MRC2: variants seen among roughly 807,000 people sequenced by gnomAD.
MRC2 encodes the protein C-type mannose receptor 2.
In MRC2, 84 loss-of-function variants were observed where a neutral mutation model predicts 206.2. The observed-to-expected ratio is 0.41, with a 90% CI of 0.34 to 0.49. The LOEUF (loss-of-function observed/expected upper bound fraction) is 0.49. Among genes scored for constraint, MRC2 ranks in the 20% least tolerant of loss-of-function variants. MRC2 has a pLI of 0.31. For synonymous variants in MRC2, 798 were observed against 800.0 expected (o/e 1.00, Z 0.04); for missense variants, 1,676 against 2,001.5 (o/e 0.84, Z 3.10).
Position 62,690,504 on chromosome 17 carries a change from G to GCA in MRC2, c.3893-125_3893-124dup, listed in dbSNP as rs143847282. On this transcript the variant is annotated intron_variant, in intron 26 of 29. Coordinates refer to ENST00000303375, the MANE Select transcript of MRC2 (RefSeq NM_006039.5). ...TGCCCCCCCACACACTTGCACATGT[G>GCA]CACACACACACACATGAATCCACAG... is the stretch of plus-strand genomic sequence containing the variant. The GCA allele has an allele frequency of 1.4e-3, 1,927 of 1,384,062 alleles. 3 individuals are homozygous for GCA. Among genetic ancestry groups the GCA allele is most frequent in the Non-Finnish European group, 1.7e-3 (1,771 of 1,019,652 alleles). 85.7% of individuals were successfully genotyped at this position (1,384,062 alleles called of 1,614,324 possible).
chr17:62,682,074 TG>T, intron 19 of MRC2, 137 bp downstream of exon 19: 1 of 1,085,092 alleles, frequency 9.2e-7, no homozygotes, highest in Non-Finnish European at 1.3e-6. Context: ...CAGCGAGGGG[TG>T]GACCTGTCTC....
chr17:62,657,962 C>T (rs897859417), intron 1 of MRC2, among the ~76,000 whole-genome samples: 1 of 152,140 alleles, frequency 6.6e-6, no homozygotes, highest in Non-Finnish European at 1.5e-5. Context: ...CAGGAATCCC[C>T]CCTCAGCTTC....
intron 8 of MRC2, 68 bp from the exon 9 acceptor site, chr17:62,673,995 T>C (rs1433416820): frequency 7.9e-7 from 1 of 1,266,830 alleles, no homozygotes; most frequent in Non-Finnish European, 1.1e-6. Flanking sequence ...GGAACCAGAT[T>C]CCAAGAAGGA....
chr17:62,666,288 G>A lies in MRC2; in HGVS notation c.694+21G>A. On this transcript the variant is annotated intron_variant, in intron 3 of 29. Coordinates refer to ENST00000303375, the MANE Select transcript of MRC2 (RefSeq NM_006039.5). The surrounding 1 kb of genome is among the most constrained non-coding windows in gnomAD (Gnocchi z 5.0). ...CAAGAGTGAGAGCTGTTGGAGCCGT[G>A]GGGGCGGGGGCAGTGTTCCTGGAGG... is the stretch of plus-strand genomic sequence containing the variant. 1 of 1,555,512 alleles carries A rather than the reference G, an allele frequency of 6.4e-7. No individual in the cohort carries two copies.
intron 1 of MRC2, among the ~76,000 whole-genome samples, chr17:62,662,553 G>A (rs923712562): frequency 9.2e-5 from 14 of 152,170 alleles, no homozygotes; most frequent in South Asian, 2.1e-4. Flanking sequence ...CTTAAGATGA[G>A]GAAACGGCAT....
intron 20 of MRC2, among the ~76,000 whole-genome samples, chr17:62,687,360 A>G (rs990109694): frequency 1.3e-5 from 2 of 152,098 alleles, no homozygotes; most frequent in African/African-American, 2.4e-5. Flanking sequence ...GGGTTTCTCC[A>G]TGTTGGTCAG....
In MRC2 at chr17:62,672,246, A is replaced by T; in HGVS notation, c.1461+94A>T. The T allele has an allele frequency of 6.8e-7, 1 of 1,478,950 alleles. No homozygotes were observed. Among genetic ancestry groups the T allele is most frequent in the Non-Finnish European group, 9.4e-7 (1 of 1,069,304 alleles). The allele number at this position is 1,478,950 out of a possible 1,614,324, so 91.6% of individuals were successfully genotyped here. A position where few individuals can be genotyped will look rare whatever the true frequency, so the allele number is the denominator to read the frequency against. On this transcript the variant is annotated intron_variant, in intron 8 of 29. Transcript: ENST00000303375. This position sits in a 1 kb window ranked among gnomAD's most constrained non-coding sequence, Gnocchi z 4.5. ...GAAGGACATCCTAGTTACTATCAGA[A>T]CCTGCCTGGAACCTCTTACCTCTCA...
Position 62,667,019 on chromosome 17 carries a change from C to T in MRC2, c.973+149C>T, listed in dbSNP as rs147158151. ...CACCCCCCTCCCCAGACTGCGCCCC[C>T]CTAGCCCATGTAGGGCGGCGCTGCC... On this transcript the variant is annotated intron_variant, in intron 5 of 29. Coordinates refer to ENST00000303375, the MANE Select transcript of MRC2 (RefSeq NM_006039.5). The surrounding 1 kb of genome is among the most constrained non-coding windows in gnomAD (Gnocchi z 4.1). 1.1e-3 allele frequency: 756 copies of T among 688,850 alleles called. 8 individuals are homozygous for T. In the African/African-American group the frequency reaches 0.012, roughly 11 times the overall value. The allele number at this position is 688,850 out of a possible 1,614,324, so 42.7% of individuals were successfully genotyped here.
chr17:62,654,300 G>A (rs1042752464), intron 1 of MRC2, among the ~76,000 whole-genome samples: 6 of 151,972 alleles, frequency 3.9e-5, no homozygotes, highest in African/African-American at 9.7e-5. Flanking sequence ...TGGGCCCTGC[G>A]TTCCTGCCTG....
intron 1 of MRC2, among the ~76,000 whole-genome samples, chr17:62,641,749 G>A (rs1004862166): frequency 6.6e-6 from 1 of 152,206 alleles, no homozygotes; most frequent in African/African-American, 2.4e-5. Flanking sequence ...TTGAATGGGG[G>A]AAAAGATCCC....
intron 1 of MRC2, among the ~76,000 whole-genome samples, chr17:62,644,853 T>G (rs1242725503): frequency 6.6e-6 from 1 of 152,054 alleles, no homozygotes; most frequent in African/African-American, 2.4e-5. Flanking sequence ...GGTCACCAGC[T>G]GGAGCTGGTT....
At chr17:62,642,052 T>C (rs2088411581) in intron 1 of MRC2, among the ~76,000 whole-genome samples, 1 of 152,164 alleles carries the variant, frequency 6.6e-6, no homozygotes, top group African/African-American at 2.4e-5. Flanking sequence ...ACCCAAGAAA[T>C]AGAGCGGATG....
chr17:62,690,190 C>T lies in MRC2; in HGVS notation c.3777C>T (p.Gly1259=), dbSNP rs1452250383. The part of the protein sequence containing the change: ...PPPPRRISYH[G]SCPQGLADSA... ...CTCCCCGAAGAATAAGCTACCATGG[C>T]AGCTGTCCCCAGGGACTGGCAGACT... Residue 1259 remains glycine (G), a synonymous_variant, in exon 26 of 30, where the codon GGC becomes GGT. Coordinates refer to ENST00000303375, the MANE Select transcript of MRC2 (RefSeq NM_006039.5). 1 of 1,610,664 alleles carries T rather than the reference C, an allele frequency of 6.2e-7. No individual in the cohort carries two copies. Among genetic ancestry groups the T allele is most frequent in the East Asian group, 2.2e-5 (1 of 44,782 alleles).
In MRC2 at chr17:62,675,431, G is replaced by C. The variant is rs2088879095; in HGVS notation, c.1570-359G>C. ...TCCTGGCAGCTCTCCCCAGCCTTTA[G>C]CTGTGGTTTCCCAGCCAACAGTAAT... On this transcript the variant is annotated intron_variant, in intron 9 of 29. Transcript: ENST00000303375. The surrounding 1 kb of genome is among the most constrained non-coding windows in gnomAD (Gnocchi z 4.1). Among the ~76,000 whole-genome samples, 1 of 152,172 alleles carries C rather than the reference G, an allele frequency of 6.6e-6. No homozygotes were observed. The highest frequency in any genetic ancestry group is 2.1e-4 in the South Asian group (1 of 4,824).
chr17:62,665,370 T>A (rs1351599641), intron 2 of MRC2, among the ~76,000 whole-genome samples: 1 of 147,892 alleles, frequency 6.8e-6, no homozygotes, highest in Non-Finnish European at 1.5e-5. Context: ...GCCACTGCAC[T>A]GTGCAGCCTG....
rs200283554 is a variant in MRC2, at chr17:62,689,536, C to G, written c.3349C>G (p.Pro1117Ala). 462 of 1,579,932 alleles carry G rather than the reference C, an allele frequency of 2.9e-4. No individual in the cohort carries two copies. In the African/African-American group the frequency reaches 5.0e-3, roughly 17 times the overall value. ...CQKGTDPSLS[P>A]SPAALPPAPG... ...CTTCCCTGTAGACCCCTCCCTGAGC[C>G]CGTCCCCAGCAGCGCTGCCCCCCGC... Residue 1117 changes from proline to alanine, a missense_variant, in exon 24 of 30, where the codon CCG (proline) becomes GCG (alanine). Coordinates refer to ENST00000303375, the MANE Select transcript of MRC2 (RefSeq NM_006039.5).
At chr17:62,682,166 G>A (rs1598994359) in intron 19 of MRC2, 69 bp from the exon 20 acceptor site, 7 of 1,441,046 alleles carry the variant, frequency 4.9e-6, no homozygotes, top group African/African-American at 4.3e-5. Flanking sequence ...ATGAGGCTGA[G>A]TGTGCTGCCA....
At chr17:62,649,277 G>T (rs1402561088) in intron 1 of MRC2, among the ~76,000 whole-genome samples, 3 of 152,212 alleles carry the variant, frequency 2.0e-5, no homozygotes, top group South Asian at 2.1e-4. Flanking sequence ...AAGCAAGAAG[G>T]ATTCTAAATT....
In MRC2 at chr17:62,680,968, T is replaced by C. The variant is rs770037313; in HGVS notation, c.2634+8T>C. On this transcript the variant is annotated splice_region_variant and intron_variant, in intron 17 of 29. Coordinates refer to ENST00000303375, the MANE Select transcript of MRC2 (RefSeq NM_006039.5). The surrounding 1 kb of genome is among the most constrained non-coding windows in gnomAD (Gnocchi z 4.8). Reference sequence around the variant, plus strand: ...AGCCACAACTTGCAGAAGGTGGGCATTGGATTGAGCAGGGGGCTGCAGGCT... The same window carrying C: ...AGCCACAACTTGCAGAAGGTGGGCACTGGATTGAGCAGGGGGCTGCAGGCT... 2.5e-6 allele frequency: 4 copies of C among 1,612,702 alleles called. No homozygotes were observed. Among genetic ancestry groups the C allele is most frequent in the South Asian group, 2.2e-5 (2 of 91,042 alleles).
Sources: allele counts gnomAD v4.1 joint callset (sites outside exome capture counted in the v4.1 genomes callset), GRCh38; gene constraint gnomAD v4.1.1; non-coding constraint Gnocchi (gnomAD v3.1); transcripts MANE v1.5; gene names NCBI Gene and HGNC (gene_info 2026-07-23, HGNC 2026-07-21).